The following KIAA1217 variants were observed in gnomAD, a reference collection of about 807,000 sequenced individuals.
The protein encoded by KIAA1217 is sickle tail protein homolog.
In KIAA1217, 88 loss-of-function variants were observed where a neutral mutation model predicts 163.9. The ratio of observed to expected loss-of-function variants is 0.54; its 90% confidence interval spans 0.45 to 0.64. The LOEUF (loss-of-function observed/expected upper bound fraction) is 0.64. KIAA1217 is among the 30% of genes least tolerant of loss of function. KIAA1217 has a pLI of 0.00. For missense variants in KIAA1217, 2,372 were observed against 2,475.0 expected, an observed-to-expected ratio of 0.96 and a Z score of 0.88; for synonymous variants, 903 against 923.1, an observed-to-expected ratio of 0.98 and a Z score of 0.39.
At chr10:24,539,665 C>G (rs1195368673) in intron 17 of KIAA1217, among the ~76,000 whole-genome samples, 1 of 152,144 alleles carries the variant, frequency 6.6e-6, no homozygotes, top group East Asian at 1.9e-4. Context: ...TGAGTTTAGT[C>G]ACAGGTGCTT....
intron 2 of KIAA1217, among the ~76,000 whole-genome samples, chr10:24,162,551 G>A (rs773982516): frequency 8.5e-5 from 13 of 152,204 alleles, no homozygotes; most frequent in Non-Finnish European, 1.6e-4. Flanking sequence ...ACTAAGTAAT[G>A]CAGCCCATCA....
At chr10:24,284,552 G>A (rs761836204) in intron 2 of KIAA1217, among the ~76,000 whole-genome samples, 6 of 152,152 alleles carry the variant, frequency 3.9e-5, no homozygotes, top group Non-Finnish European at 5.9e-5. Context: ...CAAAGGACAC[G>A]ATTTTGGTTT....
intron 3 of KIAA1217, among the ~76,000 whole-genome samples, chr10:24,393,424 C>T (rs879800672): frequency 1.2e-4 from 19 of 152,190 alleles, no homozygotes; most frequent in Non-Finnish European, 2.5e-4. Flanking sequence ...AGGAGCCAGA[C>T]TTTCCATCCA....
chr10:24,248,680 A>AG (rs2074127682), intron 2 of KIAA1217, among the ~76,000 whole-genome samples: 1 of 150,200 alleles, frequency 6.7e-6, no homozygotes, highest in African/African-American at 2.5e-5. Flanking sequence ...CAAAAAAAAA[A>AG]AAAAAAAAAA....
At chr10:23,992,876 C>A (rs901647806) in intron 1 of KIAA1217, among the ~76,000 whole-genome samples, 1 of 151,696 alleles carries the variant, frequency 6.6e-6, no homozygotes, top group Non-Finnish European at 1.5e-5. Context: ...AGAAAGGCCA[C>A]CCTTAACCAG....
chr10:23,726,649 A>G (rs1838154841), intron 1 of KIAA1217, among the ~76,000 whole-genome samples: 1 of 152,088 alleles, frequency 6.6e-6, no homozygotes, highest in African/African-American at 2.4e-5. Flanking sequence ...TTTGCAATCT[A>G]CTCATCTGAC....
At chr10:24,359,074 C>A (rs368225933) in intron 2 of KIAA1217, among the ~76,000 whole-genome samples, 1 of 84,428 alleles carries the variant, frequency 1.2e-5, no homozygotes, top group Non-Finnish European at 2.5e-5. Flanking sequence ...TCTTTTCTTT[C>A]TTTCTTTCTT....
At chr10:24,257,391 C>T (rs995153048) in intron 2 of KIAA1217, among the ~76,000 whole-genome samples, 1 of 152,146 alleles carries the variant, frequency 6.6e-6, no homozygotes, top group Non-Finnish European at 1.5e-5. Flanking sequence ...GAGGCCCACA[C>T]GTGTTCACCA....
chr10:24,523,218 A>T, intron 12 of KIAA1217, among the ~76,000 whole-genome samples: 1 of 151,934 alleles, frequency 6.6e-6, no homozygotes, highest in East Asian at 1.9e-4. Context: ...GCTACTTAGG[A>T]GGCTGAGGCA....
At chr10:24,516,487 A>G (rs2070187148) in intron 10 of KIAA1217, among the ~76,000 whole-genome samples, 1 of 152,198 alleles carries the variant, frequency 6.6e-6, no homozygotes, top group Admixed American at 6.5e-5. Flanking sequence ...ATTTCTGTGG[A>G]TGGGGCTTAG....
intron 1 of KIAA1217, among the ~76,000 whole-genome samples, chr10:23,987,632 C>T (rs1419036186): frequency 1.1e-5 from 1 of 93,894 alleles, no homozygotes; most frequent in East Asian, 2.4e-4. Context: ...TGTATGTGTA[C>T]GTGTGTGTGT....
intron 1 of KIAA1217, among the ~76,000 whole-genome samples, chr10:23,828,239 T>C (rs564234508): frequency 6.6e-6 from 1 of 152,090 alleles, no homozygotes; most frequent in East Asian, 1.9e-4. Flanking sequence ...TATAAAACCA[T>C]ACCTAATTGT....
At chr10:23,962,514 G>A (rs1175737838) in intron 1 of KIAA1217, among the ~76,000 whole-genome samples, 4 of 152,064 alleles carry the variant, frequency 2.6e-5, no homozygotes, top group South Asian at 4.1e-4. Context: ...AATTCTCTTG[G>A]TCTATTTCAG....
At chr10:24,179,419 C>T (rs1309324258) in intron 2 of KIAA1217, among the ~76,000 whole-genome samples, 1 of 152,176 alleles carries the variant, frequency 6.6e-6, no homozygotes, top group Non-Finnish European at 1.5e-5. Context: ...TCCCCCCTCA[C>T]TTCCTCCTGC....
chr10:23,739,099 C>T (rs1007719734), intron 1 of KIAA1217, among the ~76,000 whole-genome samples: 3 of 152,158 alleles, frequency 2.0e-5, no homozygotes, highest in Non-Finnish European at 4.4e-5. Context: ...TCTTTTGCAG[C>T]AACATGGATG....
chr10:24,190,894 TA>T (rs35695716), intron 2 of KIAA1217, among the ~76,000 whole-genome samples: 83,097 of 150,970 alleles, frequency 0.55, 24,210 homozygotes, highest in Middle Eastern at 0.68. Flanking sequence ...TTGTCATGCT[TA>T]AAAAAAAATG....
At chr10:24,234,964 A>C (rs188124741) in intron 2 of KIAA1217, among the ~76,000 whole-genome samples, 1 of 152,320 alleles carries the variant, frequency 6.6e-6, no homozygotes, top group East Asian at 1.9e-4. Flanking sequence ...ACAATTGGAG[A>C]TAAAATAGGA....
intron 2 of KIAA1217, among the ~76,000 whole-genome samples, chr10:24,058,831 G>A (rs1023836238): frequency 3.9e-5 from 6 of 152,112 alleles, no homozygotes; most frequent in African/African-American, 1.4e-4. Flanking sequence ...GTCATCTGCA[G>A]AGGAGGATAA....
intron 1 of KIAA1217, among the ~76,000 whole-genome samples, chr10:23,818,266 TATATA>T (rs1051755902): frequency 7.0e-6 from 1 of 143,336 alleles, no homozygotes; most frequent in African/African-American, 2.5e-5. Flanking sequence ...TTATATGTAA[TATATA>T]ATATGTTATA....
Sources: gnomAD v4.1 joint callset for allele counts (sites outside exome capture counted in the v4.1 genomes callset) on GRCh38, gnomAD v4.1.1 for gene constraint, MANE v1.5 for transcripts, NCBI Gene and HGNC (gene_info 2026-07-23, HGNC 2026-07-21) for gene names.